Variants in CCDC6 observed in about 807,000 individuals in gnomAD.
CCDC6 encodes coiled-coil domain-containing protein 6.
A neutral mutation model predicts 56.6 loss-of-function variants in CCDC6; 20 were observed. The ratio of observed to expected loss-of-function variants is 0.35; its 90% CI spans 0.25 to 0.51. CCDC6 has a LOEUF of 0.51. Ranked by LOEUF, CCDC6 falls within the 20% of genes least tolerant of loss-of-function variation. The pLI is 0.95. For missense variants in CCDC6, 367 were observed against 601.1 expected (o/e 0.61, Z 4.07); for synonymous variants, 241 against 234.4 (o/e 1.03, Z -0.26).
At chr10:59,847,107 C>T (rs2070998970) in intron 2 of CCDC6, among the ~76,000 whole-genome samples, 1 of 151,712 alleles carries the variant, frequency 6.6e-6, no homozygotes, top group South Asian at 2.1e-4. Context: ...GGATGGAGTG[C>T]AGTGGCGCTA....
intron 1 of CCDC6, among the ~76,000 whole-genome samples, chr10:59,893,227 C>G (rs1036978486): frequency 1.3e-5 from 2 of 152,136 alleles, no homozygotes; most frequent in African/African-American, 2.4e-5. Flanking sequence ...TGGAACAGAG[C>G]ACATGACAGT....
At chr10:59,831,701 G>A (rs1440798399) in intron 3 of CCDC6, among the ~76,000 whole-genome samples, 1 of 152,208 alleles carries the variant, frequency 6.6e-6, no homozygotes, top group Non-Finnish European at 1.5e-5. Context: ...CAGGACGCTA[G>A]CATGGGTGAA....
At chr10:59,815,868 G>A (rs2070706537) in intron 3 of CCDC6, among the ~76,000 whole-genome samples, 1 of 152,144 alleles carries the variant, frequency 6.6e-6, no homozygotes, top group African/African-American at 2.4e-5. Context: ...GATCCCGTGT[G>A]TATACATAAG....
At chr10:59,847,373 A>T (rs1026241100) in intron 2 of CCDC6, among the ~76,000 whole-genome samples, 1 of 151,920 alleles carries the variant, frequency 6.6e-6, no homozygotes, top group South Asian at 2.1e-4. Context: ...TTTTTAAATG[A>T]AAAGAAGTTT....
rs1554884869 is a variant in CCDC6 at position 59,844,762 on chromosome 10, A to AAAG, written c.453+7790_453+7791insCTT. ...GACTATCTCCAAAAAAAAAAAAAAAAAGAGAGAGAGAGAGAGAAAATCCTT... is the reference window on the plus strand; with the variant it reads ...GACTATCTCCAAAAAAAAAAAAAAAAAAGAGAGAGAGAGAGAGAGAAAATCCTT... On this transcript the variant is annotated intron_variant, in intron 2 of 8. Coordinates refer to ENST00000263102, the MANE Select transcript of CCDC6 (RefSeq NM_005436.5). Among the ~76,000 whole-genome samples, 595 of 133,990 alleles carry AAAG rather than the reference A, an allele frequency of 4.4e-3. 7 individuals are homozygous for AAAG. Among genetic ancestry groups the AAAG allele is most frequent in the East Asian group, 0.028 (134 of 4,860 alleles). 87.9% of individuals were successfully genotyped at this position (133,990 alleles called of 152,430 possible).
intron 1 of CCDC6, among the ~76,000 whole-genome samples, chr10:59,882,959 CA>C (rs769100645): frequency 1.9e-4 from 25 of 133,958 alleles, no homozygotes; most frequent in Admixed American, 2.3e-4. Context: ...GACTCTGCCT[CA>C]AAAAAAAAAA....
intron 7 of CCDC6, among the ~76,000 whole-genome samples, chr10:59,795,605 T>C (rs1407971014): frequency 6.6e-6 from 1 of 151,218 alleles, no homozygotes; most frequent in Non-Finnish European, 1.5e-5. Context: ...GTATATCTCC[T>C]AATGTTATGC....
At chr10:59,842,697 C>A (rs1441327047) in intron 2 of CCDC6, among the ~76,000 whole-genome samples, 2 of 151,574 alleles carry the variant, frequency 1.3e-5, no homozygotes, top group Non-Finnish European at 2.9e-5. Flanking sequence ...GTTATGTTAC[C>A]CTTAAAATAT....
intron 2 of CCDC6, among the ~76,000 whole-genome samples, chr10:59,844,825 C>G (rs2070977343): frequency 6.7e-6 from 1 of 149,942 alleles, no homozygotes; most frequent in Non-Finnish European, 1.5e-5. Context: ...TTTGTAAAAA[C>G]TGGCATTTTC....
In CCDC6 at chr10:59,817,249, T is replaced by C. The variant is rs762710284; in HGVS notation, c.583-2494A>G. 5.0e-4 allele frequency among the ~76,000 whole-genome samples: 76 copies of C among 152,236 alleles called. 1 individual carries two copies. The Middle Eastern group carries it at 0.014, about 27-fold the overall frequency. On this transcript the variant is annotated intron_variant, in intron 3 of 8. Transcript: ENST00000263102. Reference sequence around the variant, plus strand: ...AGGCTGGAGTGCAGTGGCACGATCATGGATCACTGTAGCCTTAACCCACTG... The same window carrying C: ...AGGCTGGAGTGCAGTGGCACGATCACGGATCACTGTAGCCTTAACCCACTG...
chr10:59,807,259 C>A (rs577004578), intron 5 of CCDC6, among the ~76,000 whole-genome samples, 181 bp from the exon 6 acceptor site: 1 of 152,066 alleles, frequency 6.6e-6, no homozygotes, highest in Non-Finnish European at 1.5e-5. Context: ...CTGAGGAAGG[C>A]GGATCACCTG....
rs55710616 is a variant in CCDC6, at chr10:59,844,426, T to TAAA, written c.453+8124_453+8126dup. Among the ~76,000 whole-genome samples the TAAA allele has an allele frequency of 1.8e-4, 25 of 139,290 alleles. No homozygotes were observed. The East Asian group carries it at 3.1e-3, about 18-fold the overall frequency. The allele number at this position is 139,290 out of a possible 152,430, so 91.4% of individuals were successfully genotyped here. A position where few individuals can be genotyped will look rare whatever the true frequency, so the allele number is the denominator to read the frequency against. Reference sequence around the variant, plus strand: ...AAAAAAATCTGGTTAGGAGGAATATTAAAAAAAAAAAAAAGCTCCATGGAA... The same window carrying TAAA: ...AAAAAAATCTGGTTAGGAGGAATATTAAAAAAAAAAAAAAAAAGCTCCATGGAA... On this transcript the variant is annotated intron_variant, in intron 2 of 8. Transcript: ENST00000263102.
chr10:59,793,869 C>A (rs995731761), intron 8 of CCDC6, among the ~76,000 whole-genome samples: 1 of 151,630 alleles, frequency 6.6e-6, no homozygotes, highest in Non-Finnish European at 1.5e-5. Flanking sequence ...GAATAGGGTT[C>A]TTCTTTAAAA....
chr10:59,818,489 T>C (rs1019094020), intron 3 of CCDC6, among the ~76,000 whole-genome samples: 1 of 79,790 alleles, frequency 1.3e-5, no homozygotes, highest in Non-Finnish European at 2.2e-5. Flanking sequence ...TTTATTATAA[T>C]GTTGACGGGG....
chr10:59,888,606 AT>A (rs1324917838), intron 1 of CCDC6, among the ~76,000 whole-genome samples: 5 of 152,224 alleles, frequency 3.3e-5, no homozygotes, highest in Admixed American at 2.0e-4. Context: ...GGAGACAAGG[AT>A]AATACCTTTG....
intron 2 of CCDC6, among the ~76,000 whole-genome samples, chr10:59,839,219 T>A (rs995235483): frequency 1.3e-5 from 2 of 152,126 alleles, no homozygotes; most frequent in Admixed American, 6.5e-5. Flanking sequence ...CAAACTGAGG[T>A]CCTTGGCTTC....
At chr10:59,815,230 C>A (rs1359170674) in intron 3 of CCDC6, among the ~76,000 whole-genome samples, 1 of 152,122 alleles carries the variant, frequency 6.6e-6, no homozygotes, top group Admixed American at 6.6e-5. Flanking sequence ...TAAACATGTA[C>A]TAAGATATAA....
At chr10:59,875,688 C>T (rs1407839837) in intron 1 of CCDC6, among the ~76,000 whole-genome samples, 1 of 152,178 alleles carries the variant, frequency 6.6e-6, no homozygotes, top group African/African-American at 2.4e-5. Flanking sequence ...TGCGCCGATG[C>T]TATTCTTCCA....
chr10:59,889,868 C>T (rs984571780), intron 1 of CCDC6, among the ~76,000 whole-genome samples: 4 of 152,170 alleles, frequency 2.6e-5, no homozygotes, highest in African/African-American at 9.7e-5. Context: ...GTGGGAGCAG[C>T]GTTCTGCTCC....
Sources: allele counts gnomAD v4.1 joint callset (sites outside exome capture counted in the v4.1 genomes callset), GRCh38; gene constraint gnomAD v4.1.1; transcripts MANE v1.5; gene names NCBI Gene and HGNC (gene_info 2026-07-23, HGNC 2026-07-21).